The following DPPA3 variants were observed in gnomAD, a reference collection of about 807,000 sequenced individuals.
The protein encoded by DPPA3 is developmental pluripotency-associated protein 3.
In DPPA3, 9 loss-of-function variants were observed where a neutral mutation model predicts 15.6. The ratio of observed to expected loss-of-function variants is 0.58; its 90% confidence interval spans 0.35 to 1.01. The LOEUF is 1.01. Ranked by LOEUF, DPPA3 falls within the 50% of genes least tolerant of loss-of-function variation. DPPA3 has a pLI of 0.02. For missense variants in DPPA3, 148 were observed against 194.6 expected (o/e 0.76, Z 1.42); for synonymous variants, 61 against 70.9 (o/e 0.86, Z 0.70).
intron 3 of DPPA3, 43 bp from the exon 4 acceptor site, chr12:7,716,924 G>C (rs777752068): frequency 2.0e-6 from 3 of 1,504,540 alleles, no homozygotes; most frequent in South Asian, 1.1e-5. Context: ...CATTTCTCTG[G>C]GGTACAATAT....
At chr12:7,711,720 CTTTTTTTTTTT>C (rs3069565) in intron 1 of DPPA3, 68 bp downstream of exon 1, 7,178 of 339,980 alleles carry the variant, frequency 0.021, 114 homozygotes, top group African/African-American at 0.032. Context: ...AGGCTGCCGT[CTTTTTTTTTTT>C]TTTTTTTTTT....
chr12:7,711,549 C>G lies in DPPA3; in HGVS notation c.-22C>G. The G allele has an allele frequency of 1.4e-6, 2 of 1,445,750 alleles. No homozygotes were observed. Among genetic ancestry groups the G allele is most frequent in the East Asian group, 2.3e-5 (1 of 43,250 alleles). 89.6% of individuals were successfully genotyped at this position (1,445,750 alleles called of 1,614,324 possible). A position where few individuals can be genotyped will look rare whatever the true frequency, so the allele number is the denominator to read the frequency against. ...TACGTTTCAAAGATCCTGGAGAAGC[C>G]TAGTGTTGTGTCAAGACGCCGATGG... On this transcript the variant is annotated 5_prime_UTR_variant, in exon 1 of 4. Coordinates refer to ENST00000345088, the MANE Select transcript of DPPA3 (RefSeq NM_199286.4).
At chr12:7,715,517 C>T (rs1864390370) in intron 2 of DPPA3, 90 bp downstream of exon 2, 1 of 1,586,672 alleles carries the variant, frequency 6.3e-7, no homozygotes, top group East Asian at 2.3e-5. Context: ...AGCTCTAGGC[C>T]CGGTGCGGTG....
At chr12:7,712,079 T>C (rs75309252) in intron 1 of DPPA3, among the ~76,000 whole-genome samples, 99 of 6,912 alleles carry the variant, frequency 0.014, 28 homozygotes, top group East Asian at 0.024. Context: ...CCGCGCCCGT[T>C]TTTTTTTTTG....
rs1402301968 is a variant in DPPA3, at chr12:7,715,221, C to A, written c.121C>A (p.Leu41Ile). Residue 41 changes from leucine to isoleucine, a missense_variant, in exon 2 of 4, where the codon CTT becomes ATT. By Grantham distance (5) the Leu-to-Ile change is conservative. Coordinates refer to ENST00000345088, the MANE Select transcript of DPPA3 (RefSeq NM_199286.4). Reference protein sequence around the residue: ...QISSETLIKNLSNLTINASSE... With the variant: ...QISSETLIKNISNLTINASSE... ...CTCCTCCGAGACGTTGATAAAGAAC[C>A]TTAGTAACTTGACTATCAACGCTAG... 2 of 1,613,630 alleles carry A rather than the reference C, an allele frequency of 1.2e-6. No individual in the cohort carries two copies. The highest frequency in any genetic ancestry group is 2.7e-5 in the African/African-American group (2 of 74,890).
At chr12:7,714,795 C>G (rs910138934) in intron 1 of DPPA3, among the ~76,000 whole-genome samples, 3 of 152,108 alleles carry the variant, frequency 2.0e-5, no homozygotes, top group African/African-American at 7.2e-5. Context: ...TCACTGCAAG[C>G]TCCACCTCCT....
intron 1 of DPPA3, among the ~76,000 whole-genome samples, chr12:7,714,372 T>TAAC (rs1389229186): frequency 6.6e-6 from 1 of 152,140 alleles, no homozygotes; most frequent in Non-Finnish European, 1.5e-5. Context: ...TGAAAAAGGT[T>TAAC]AACAGTGTGT....
chr12:7,711,910 C>CTTT (rs144335160), intron 1 of DPPA3, among the ~76,000 whole-genome samples: 1 of 127,352 alleles, frequency 7.9e-6, no homozygotes, highest in African/African-American at 2.8e-5. Flanking sequence ...AGATTTCTTT[C>CTTT]TTTTTTTTTC....
chr12:7,713,338 G>A (rs76016314), intron 1 of DPPA3, among the ~76,000 whole-genome samples: 10,209 of 152,274 alleles, frequency 0.067, 1,193 homozygotes, highest in African/African-American at 0.23. Context: ...GAGTGGGAAA[G>A]AAAAATGAAC....
intron 1 of DPPA3, among the ~76,000 whole-genome samples, chr12:7,712,162 G>A (rs1395557250): frequency 6.7e-6 from 1 of 148,218 alleles, no homozygotes. Flanking sequence ...TGATCCGCCC[G>A]CCTCGGCCTC....
Position 7,715,243 on chromosome 12 carries a change from C to T in DPPA3, c.143C>T (p.Ala48Val). The change falls in exon 2 of 4, where the codon GCT (alanine) becomes GTT (valine). Residue 48 changes from alanine (A) to valine (V), a missense_variant. Coordinates refer to ENST00000345088, the MANE Select transcript of DPPA3 (RefSeq NM_199286.4). ...IKNLSNLTINASSESVSPLSE... is the reference protein window; with the variant it reads ...IKNLSNLTINVSSESVSPLSE... ...AACCTTAGTAACTTGACTATCAACG[C>T]TAGTAGCGAATCTGTTTCCCCTCTA... The T allele has an allele frequency of 2.5e-6, 4 of 1,613,824 alleles. No individual in the cohort carries two copies. The highest frequency in any genetic ancestry group is 3.4e-6 in the Non-Finnish European group (4 of 1,179,834).
intron 1 of DPPA3, among the ~76,000 whole-genome samples, chr12:7,714,395 A>C (rs1048069444): frequency 6.6e-6 from 1 of 150,614 alleles, no homozygotes; most frequent in African/African-American, 2.4e-5. Flanking sequence ...GGGGATTTCG[A>C]ATTTTGTGAT....
At chr12:7,712,425 T>C (rs1257570681) in intron 1 of DPPA3, among the ~76,000 whole-genome samples, 2 of 151,998 alleles carry the variant, frequency 1.3e-5, no homozygotes, top group Non-Finnish European at 1.5e-5. Context: ...ACCTAAAGTT[T>C]TTCTTAATCT....
intron 1 of DPPA3, among the ~76,000 whole-genome samples, chr12:7,712,832 T>C (rs1864359438): frequency 6.6e-6 from 1 of 152,204 alleles, no homozygotes; most frequent in African/African-American, 2.4e-5. Context: ...GTCCATCCTC[T>C]TGCGTAGCTG....
At chr12:7,715,565 G>A in intron 2 of DPPA3, 138 bp downstream of exon 2, 1 of 1,335,006 alleles carries the variant, frequency 7.5e-7, no homozygotes, top group Non-Finnish European at 1.0e-6. Flanking sequence ...GGAGGCTGAG[G>A]CAGGTGGATC....
intron 1 of DPPA3, among the ~76,000 whole-genome samples, chr12:7,713,538 CCTT>C (rs952598155): frequency 7.2e-5 from 11 of 152,118 alleles, no homozygotes; most frequent in African/African-American, 2.4e-4. Flanking sequence ...TTAACGATAA[CCTT>C]CTTATTGTAT....
intron 3 of DPPA3, 66 bp downstream of exon 3, chr12:7,716,305 T>A: frequency 7.9e-7 from 1 of 1,269,242 alleles, no homozygotes; most frequent in Non-Finnish European, 1.1e-6. Context: ...GATGGGTATC[T>A]GGTTTGTTTC....
In DPPA3 at chr12:7,715,353, G is replaced by GT. The variant is rs1484731724; in HGVS notation, c.254dup (p.Arg86LysfsTer26). ...TGAGTGGCTTTACAGCAGGAGAGGA[G>GT]TAAGAACATTGCTGTCTGTGCAGAG... is the stretch of plus-strand genomic sequence containing the variant. On this transcript the variant is annotated frameshift_variant, in exon 2 of 4. Transcript: ENST00000345088. LOFTEE classifies it high-confidence loss of function. 1.2e-6 allele frequency: 2 copies of GT among 1,614,038 alleles called. No homozygotes were observed. The highest frequency in any genetic ancestry group is 4.5e-5 in the East Asian group (2 of 44,892).
intron 1 of DPPA3, 108 bp from the exon 2 acceptor site, chr12:7,715,075 G>A (rs910980826): frequency 1.2e-5 from 19 of 1,528,336 alleles, no homozygotes; most frequent in Non-Finnish European, 1.7e-5. Context: ...CTTCCACCCT[G>A]AGGAATTTCC....
Sources: allele counts gnomAD v4.1 joint callset (sites outside exome capture counted in the v4.1 genomes callset), GRCh38; gene constraint gnomAD v4.1.1; transcripts MANE v1.5; gene names NCBI Gene and HGNC (gene_info 2026-07-23, HGNC 2026-07-21).